The following UBR4 variants were observed in gnomAD, a reference collection of about 807,000 sequenced individuals.
The protein encoded by UBR4 is ubiquitin protein ligase E3 component n-recognin 4, also known as E3 ubiquitin-protein ligase UBR4.
UBR4 carries 124 observed loss-of-function variants against 575.6 expected under a neutral mutation model. The ratio of observed to expected loss-of-function variants is 0.22; its 90% confidence interval spans 0.19 to 0.25. The LOEUF (loss-of-function observed/expected upper bound fraction) is 0.25. UBR4 is among the 10% of genes least tolerant of loss of function. UBR4 has a pLI of 1.00. For synonymous variants in UBR4, 2,455 were observed against 2,473.7 expected, an observed-to-expected ratio of 0.99 and a Z score of 0.22; for missense variants, 4,818 against 6,478.8, an observed-to-expected ratio of 0.74 and a Z score of 8.80.
intron 102 of UBR4, among the ~76,000 whole-genome samples, chr1:19,083,207 G>T (rs1452022388): frequency 2.0e-5 from 3 of 152,140 alleles, no homozygotes; most frequent in Non-Finnish European, 2.9e-5. Context: ...GCCAGGTGCT[G>T]CTCCCGCCAG....
At chr1:19,126,090 C>G (rs200640770) in intron 64 of UBR4, among the ~76,000 whole-genome samples, 1 of 152,104 alleles carries the variant, frequency 6.6e-6, no homozygotes, top group Non-Finnish European at 1.5e-5. Flanking sequence ...TTAATAAGTA[C>G]GTTAAAGGGC....
Position 19,153,218 on chromosome 1 carries a change from T to C in UBR4, c.6832+83A>G. ...TAGGACAGTCACATTTCTTCACAGA[T>C]ATTTTCAACAGTCTATTCTGAGTCA... On this transcript the variant is annotated intron_variant, in intron 46 of 105. Transcript: ENST00000375254. This position sits in a 1 kb window ranked among gnomAD's most constrained non-coding sequence, Gnocchi z 4.1. 1 of 1,424,004 alleles carries C rather than the reference T, an allele frequency of 7.0e-7. No homozygotes were observed. Among genetic ancestry groups the C allele is most frequent in the East Asian group, 2.3e-5 (1 of 43,578 alleles). 88.2% of individuals were successfully genotyped at this position (1,424,004 alleles called of 1,614,324 possible). A position where few individuals can be genotyped will look rare whatever the true frequency, so the allele number is the denominator to read the frequency against.
intron 103 of UBR4, 108 bp downstream of exon 103, chr1:19,081,241 C>T (rs944843403): frequency 3.1e-6 from 3 of 960,724 alleles, no homozygotes; most frequent in Admixed American, 2.3e-5. Context: ...GTGTCAACCA[C>T]CGCAGTCACA....
rs750704859 is a variant in UBR4, at chr1:19,197,981, G to T, written c.717C>A (p.Phe239Leu). ...QASAIKTKNV[F>L]IAQNVASLQE... ...GAAGACTAGCCACGTTCTGAGCTAT[G>T]AACACATTCTTGGTTTTGATAGCTG... Residue 239 changes from phenylalanine (F) to leucine (L), a missense_variant, in exon 6 of 106, where the codon TTC becomes TTA. Coordinates refer to ENST00000375254, the MANE Select transcript of UBR4 (RefSeq NM_020765.3). The T allele has an allele frequency of 2.2e-5, 35 of 1,614,148 alleles. No homozygotes were observed. The East Asian group carries it at 7.1e-4, about 33-fold the overall frequency.
In UBR4 at chr1:19,199,774, T is replaced by C; in HGVS notation, c.275-20A>G. 1 of 1,607,700 alleles carries C rather than the reference T, an allele frequency of 6.2e-7. No individual in the cohort carries two copies. Among genetic ancestry groups the C allele is most frequent in the Non-Finnish European group, 8.5e-7 (1 of 1,174,370 alleles). On this transcript the variant is annotated intron_variant, in intron 2 of 105. Coordinates refer to ENST00000375254, the MANE Select transcript of UBR4 (RefSeq NM_020765.3). ...GGGGAACTGAGAAAGTAATAAACAT[T>C]ACTCAATTTCAGACTGCTCAGCGTT...
rs746065410 is a variant in UBR4 at position 19,173,150 on chromosome 1, G to A, written c.3291+31C>T. 4 of 1,613,940 alleles carry A rather than the reference G, an allele frequency of 2.5e-6. No homozygotes were observed. The Admixed American group carries it at 5.0e-5, about 20-fold the overall frequency. ...GGCAATGGGCTATGGTAGAAACCAA[G>A]TTCTATCATTTAGGTTCCAATATTA... On this transcript the variant is annotated intron_variant, in intron 24 of 105. Transcript: ENST00000375254.
Position 19,093,831 on chromosome 1 carries a change from C to T in UBR4, c.13937+118G>A. 1 of 1,220,372 alleles carries T rather than the reference C, an allele frequency of 8.2e-7. No individual in the cohort carries two copies. The highest frequency in any genetic ancestry group is 1.1e-6 in the Non-Finnish European group (1 of 887,222). 75.6% of individuals were successfully genotyped at this position (1,220,372 alleles called of 1,614,324 possible). A position where few individuals can be genotyped will look rare whatever the true frequency, so the allele number is the denominator to read the frequency against. Reference sequence around the variant, plus strand: ...CCAACTAGACTGAGCTCCTTAAAAGCCAGAACGAGGACACAAAAATCTAAT... The same window carrying T: ...CCAACTAGACTGAGCTCCTTAAAAGTCAGAACGAGGACACAAAAATCTAAT... On this transcript the variant is annotated intron_variant, in intron 95 of 105. Transcript: ENST00000375254. The surrounding 1 kb of genome is among the most constrained non-coding windows in gnomAD (Gnocchi z 4.8).
In UBR4 at chr1:19,080,459, A is replaced by T. The variant is rs1026539761; in HGVS notation, c.15233+890T>A. On this transcript the variant is annotated intron_variant, in intron 103 of 105. Transcript: ENST00000375254. ...GCTATTTTCCACTTGGCTTGTCTTT[A>T]TCACGGCCCTAAAAGTTTCTCTCTG... 8.5e-5 allele frequency: 13 copies of T among 152,356 alleles called. No homozygotes were observed. In the East Asian group the frequency reaches 2.3e-3, roughly 27 times the overall value. 9.4% of individuals were successfully genotyped at this position (152,356 alleles called of 1,614,324 possible).
chr1:19,113,878 C>G (rs1269546701), intron 76 of UBR4, 51 bp from the exon 77 acceptor site: 1 of 1,614,072 alleles, frequency 6.2e-7, no homozygotes, highest in Non-Finnish European at 8.5e-7. Context: ...GGTGATCTCA[C>G]CTAGGAGGCA....
At chr1:19,104,964 CA>C in intron 85 of UBR4, 83 bp downstream of exon 85, 1 of 1,527,998 alleles carries the variant, frequency 6.5e-7, no homozygotes, top group Non-Finnish European at 8.8e-7. Flanking sequence ...CAAAAACAAA[CA>C]AACAAAACAC....
At chr1:19,170,695 G>A (rs1571400953) in intron 26 of UBR4, 67 bp downstream of exon 26, 2 of 1,602,664 alleles carry the variant, frequency 1.2e-6, no homozygotes, top group South Asian at 2.2e-5. Context: ...CCAAGGGAGA[G>A]AAGCCATAGT....
At chr1:19,141,013 A>G in intron 57 of UBR4, 121 bp from the exon 58 acceptor site, 2 of 1,078,312 alleles carry the variant, frequency 1.9e-6, no homozygotes, top group Non-Finnish European at 2.6e-6. Context: ...TCTGGCCTAG[A>G]GGAAGTTAGC....
intron 13 of UBR4, 26 bp from the exon 14 acceptor site, chr1:19,186,683 G>T (rs369177770): frequency 2.5e-6 from 4 of 1,606,070 alleles, no homozygotes; most frequent in Non-Finnish European, 3.4e-6. Context: ...TTACAAAACC[G>T]GAGCCATCCT....
intron 70 of UBR4, among the ~76,000 whole-genome samples, 153 bp downstream of exon 70, chr1:19,119,404 C>T (rs574594604): frequency 3.9e-5 from 6 of 152,266 alleles, no homozygotes; most frequent in South Asian, 4.1e-4. Flanking sequence ...AGACATATTA[C>T]GAGTGCTTAC....
rs368180236 is a variant in UBR4, at chr1:19,183,793, G to A, written c.2184+18C>T. ...GGTGTCATGAGCTCTTGCCTAGATG[G>A]TCACAGCACACACAAACCTGCAGGT... is the stretch of plus-strand genomic sequence containing the variant. On this transcript the variant is annotated intron_variant, in intron 17 of 105. Coordinates refer to ENST00000375254, the MANE Select transcript of UBR4 (RefSeq NM_020765.3). The A allele has an allele frequency of 3.1e-6, 5 of 1,613,050 alleles. No individual in the cohort carries two copies. Among genetic ancestry groups the A allele is most frequent in the Non-Finnish European group, 2.5e-6 (3 of 1,179,156 alleles).
Position 19,151,876 on chromosome 1 carries a change from C to T in UBR4, c.6997-17G>A. The stretch of plus-strand genomic sequence containing the variant: ...GCCTCCGGGCTGTAGGGAGACAAGG[C>T]ACACATCAAGAAACTACAGAAGTTC... On this transcript the variant is annotated splice_polypyrimidine_tract_variant and intron_variant, in intron 47 of 105. Coordinates refer to ENST00000375254, the MANE Select transcript of UBR4 (RefSeq NM_020765.3). 3.2e-6 allele frequency: 5 copies of T among 1,555,992 alleles called. No homozygotes were observed. Among genetic ancestry groups the T allele is most frequent in the Non-Finnish European group, 3.5e-6 (4 of 1,153,236 alleles).
Position 19,100,634 on chromosome 1 carries a change from C to G in UBR4, c.13024-61G>C. 1 of 1,521,668 alleles carries G rather than the reference C, an allele frequency of 6.6e-7. No homozygotes were observed. Among genetic ancestry groups the G allele is most frequent in the Non-Finnish European group, 9.1e-7 (1 of 1,099,768 alleles). The allele number at this position is 1,521,668 out of a possible 1,614,324, so 94.3% of individuals were successfully genotyped here. On this transcript the variant is annotated intron_variant, in intron 88 of 105. Transcript: ENST00000375254. The surrounding 1 kb of genome is among the most constrained non-coding windows in gnomAD (Gnocchi z 4.2). Reference sequence around the variant, plus strand: ...GGCAGAGGTGGAGATTTATACCATGCTACCTTGTTCCATGGACACTCGAGG... The same window carrying G: ...GGCAGAGGTGGAGATTTATACCATGGTACCTTGTTCCATGGACACTCGAGG...
chr1:19,100,370 C>G lies in UBR4; in HGVS notation c.13221+6G>C, dbSNP rs753115580. 124 of 1,613,866 alleles carry G rather than the reference C, an allele frequency of 7.7e-5. No homozygotes were observed. The highest frequency in any genetic ancestry group is 1.0e-4 in the Non-Finnish European group (120 of 1,180,008). ...AACGTGGGCAGCACTGTCCTATGGT[C>G]ATTACCTCCATGCCACTGTCATCTT... On this transcript the variant is annotated splice_donor_region_variant and intron_variant, in intron 89 of 105. Transcript: ENST00000375254. This position sits in a 1 kb window ranked among gnomAD's most constrained non-coding sequence, Gnocchi z 4.2.
In UBR4 at chr1:19,096,657, G is replaced by T. The variant is rs374046477; in HGVS notation, c.13391-7C>A. 11 of 1,613,218 alleles carry T rather than the reference G, an allele frequency of 6.8e-6. No individual in the cohort carries two copies. The highest frequency in any genetic ancestry group is 8.5e-7 in the Non-Finnish European group (1 of 1,179,720). Reference sequence around the variant, plus strand: ...TCTTCATCTTCTTCTTCATCTAGGGGAGAAGGGAAGCCAAGCAGAAATGGA... The same window carrying T: ...TCTTCATCTTCTTCTTCATCTAGGGTAGAAGGGAAGCCAAGCAGAAATGGA... On this transcript the variant is annotated splice_region_variant and splice_polypyrimidine_tract_variant and intron_variant, in intron 91 of 105. Coordinates refer to ENST00000375254, the MANE Select transcript of UBR4 (RefSeq NM_020765.3).
Sources: allele counts gnomAD v4.1 joint callset (sites outside exome capture counted in the v4.1 genomes callset), GRCh38; gene constraint gnomAD v4.1.1; non-coding constraint Gnocchi (gnomAD v3.1); transcripts MANE v1.5; gene names NCBI Gene and HGNC (gene_info 2026-07-23, HGNC 2026-07-21).